Variants in SLC27A2 observed in about 807,000 individuals in gnomAD.
SLC27A2 encodes the protein solute carrier family 27 member 2, also known as long-chain fatty acid transport protein 2.
SLC27A2 carries 54 observed loss-of-function variants against 60.0 expected under a neutral mutation model. The observed-to-expected ratio is 0.90, with a 90% CI of 0.72 to 1.13. The LOEUF (loss-of-function observed/expected upper bound fraction) is 1.13. Ranked by LOEUF, SLC27A2 falls within the 50% of genes most tolerant of loss-of-function variation. The pLI, the probability that SLC27A2 is intolerant of heterozygous loss-of-function variation, is 0.00. For missense variants in SLC27A2, 739 were observed against 777.6 expected (o/e 0.95, Z 0.59); for synonymous variants, 297 against 297.6 (o/e 1.00, Z 0.02).
intron 4 of SLC27A2, among the ~76,000 whole-genome samples, chr15:50,220,992 C>T (rs1298174978): frequency 1.3e-5 from 2 of 151,954 alleles, no homozygotes; most frequent in East Asian, 3.9e-4. Flanking sequence ...AGCTTGAGGC[C>T]AGGAGTTCAA....
intron 8 of SLC27A2, 67 bp downstream of exon 8, chr15:50,229,109 A>C: frequency 9.5e-7 from 1 of 1,054,104 alleles, no homozygotes; most frequent in Admixed American, 1.9e-5. Flanking sequence ...CCTCAAGGCG[A>C]AGTTTGTCAT....
At position 50,205,499 on chromosome 15, in the gene SLC27A2, T is replaced by C. The variant is rs980537581; in HGVS notation, c.972+136T>C. ...GGATACAATTATCATGATAAAGTACTTGGCACTATACCTACCATATAGAGG... is the reference window on the plus strand; with the variant it reads ...GGATACAATTATCATGATAAAGTACCTGGCACTATACCTACCATATAGAGG... On this transcript the variant is annotated intron_variant, in intron 4 of 9. Transcript: ENST00000267842. 1.3e-5 allele frequency: 11 copies of C among 818,228 alleles called. No homozygotes were observed. The African/African-American group carries it at 1.9e-4, about 14-fold the overall frequency. The allele number at this position is 818,228 out of a possible 1,614,324, so 50.7% of individuals were successfully genotyped here.
At position 50,202,509 on chromosome 15, in the gene SLC27A2, C is replaced by T. The variant is rs1244123531; in HGVS notation, c.711C>T (p.Ile237=). ...AAGGTCTTCCAAAAGCAGCCATGAT[C>T]ACTCATCAGCGCATATGGTATGGAA... is the stretch of plus-strand genomic sequence containing the variant. ...GTTGLPKAAM[I]THQRIWYGTG... Residue 237 remains isoleucine (I), a synonymous_variant, in exon 3 of 10, where the codon ATC becomes ATT. Transcript: ENST00000267842. 3 of 1,614,040 alleles carry T rather than the reference C, an allele frequency of 1.9e-6. No homozygotes were observed. Among genetic ancestry groups the T allele is most frequent in the Non-Finnish European group, 2.5e-6 (3 of 1,180,022 alleles).
At chr15:50,182,978 A>G in intron 1 of SLC27A2, 73 bp downstream of exon 1, 46 of 1,466,404 alleles carry the variant, frequency 3.1e-5, no homozygotes, top group Non-Finnish European at 4.2e-5. Flanking sequence ...ACAGCGTGGC[A>G]TAAGGGGTTC....
In SLC27A2 at chr15:50,223,171, GA is replaced by G; in HGVS notation, c.1167+17del. On this transcript the variant is annotated intron_variant, in intron 5 of 9. Coordinates refer to ENST00000267842, the MANE Select transcript of SLC27A2 (RefSeq NM_003645.4). ...ACTACCTACAGAAAGTAAGTACATT[GA>G]AAAATGAGAGCATACGTAGCCAGTT... 6.3e-7 allele frequency: 1 copy of G among 1,592,282 alleles called. No individual in the cohort carries two copies. Among genetic ancestry groups the G allele is most frequent in the African/African-American group, 1.3e-5 (1 of 74,248 alleles).
At chr15:50,232,032 C>G (rs1237763765) in intron 8 of SLC27A2, among the ~76,000 whole-genome samples, 1 of 152,244 alleles carries the variant, frequency 6.6e-6, no homozygotes, top group Non-Finnish European at 1.5e-5. Flanking sequence ...TCCCTCCCAA[C>G]TTTCAGATTC....
chr15:50,187,531 A>T (rs984918694), intron 1 of SLC27A2, among the ~76,000 whole-genome samples: 1 of 152,180 alleles, frequency 6.6e-6, no homozygotes, highest in South Asian at 2.1e-4. Flanking sequence ...TAGATAACCC[A>T]GGTCTCCTGA....
intron 8 of SLC27A2, among the ~76,000 whole-genome samples, chr15:50,230,270 C>T (rs1343954061): frequency 7.0e-6 from 1 of 142,582 alleles, no homozygotes; most frequent in African/African-American, 2.6e-5. Context: ...AGTCCGGACA[C>T]TGTGGCTCAC....
chr15:50,227,782 C>A (rs1039022643), intron 7 of SLC27A2, among the ~76,000 whole-genome samples: 1 of 152,174 alleles, frequency 6.6e-6, no homozygotes, highest in African/African-American at 2.4e-5. Context: ...TGCCTGTTCA[C>A]CCCCAGCACC....
intron 1 of SLC27A2, among the ~76,000 whole-genome samples, chr15:50,197,104 A>G (rs1363950311): frequency 6.6e-6 from 1 of 152,182 alleles, no homozygotes; most frequent in Non-Finnish European, 1.5e-5. Flanking sequence ...GATTTCAGCC[A>G]ACCATCTGCT....
intron 4 of SLC27A2, among the ~76,000 whole-genome samples, chr15:50,208,504 A>G (rs1021388239): frequency 1.3e-5 from 2 of 152,262 alleles, no homozygotes; most frequent in African/African-American, 4.8e-5. Flanking sequence ...GATGATATAT[A>G]TAAACCACAT....
At chr15:50,228,875 C>T in intron 7 of SLC27A2, 70 bp from the exon 8 acceptor site, 1 of 1,019,446 alleles carries the variant, frequency 9.8e-7, no homozygotes, top group South Asian at 1.3e-5. Flanking sequence ...AAGGAAACAC[C>T]AGCTCTCCGA....
intron 1 of SLC27A2, among the ~76,000 whole-genome samples, chr15:50,186,660 A>G (rs1185379574): frequency 6.6e-6 from 1 of 152,132 alleles, no homozygotes; most frequent in Non-Finnish European, 1.5e-5. Flanking sequence ...GATGATCTCC[A>G]TCTCTTGACC....
rs1334954977 is a variant in SLC27A2 at position 50,196,072 on chromosome 15, AAAAAAATATATATATATATATATAT to A, written c.479-1426_479-1402del. Reference sequence around the variant, plus strand: ...CTGTCTCAAAAAAAAAAAAAAAAAAAAAAAAATATATATATATATATATATATATATATATATATATATATATATA... The same window carrying A: ...CTGTCTCAAAAAAAAAAAAAAAAAAAATATATATATATATATATATATATA... On this transcript the variant is annotated intron_variant, in intron 1 of 9. Coordinates refer to ENST00000267842, the MANE Select transcript of SLC27A2 (RefSeq NM_003645.4). Among the ~76,000 whole-genome samples, 53 of 18,114 alleles carry A rather than the reference AAAAAAATATATATATATATATATAT, an allele frequency of 2.9e-3. 6 individuals are homozygous for A. Among genetic ancestry groups the A allele is most frequent in the African/African-American group, 9.3e-3 (48 of 5,138 alleles). The allele number at this position is 18,114 out of a possible 152,430, so 11.9% of individuals were successfully genotyped here. A position where few individuals can be genotyped will look rare whatever the true frequency, so the allele number is the denominator to read the frequency against.
At chr15:50,193,034 T>A (rs1190057721) in intron 1 of SLC27A2, among the ~76,000 whole-genome samples, 1 of 152,140 alleles carries the variant, frequency 6.6e-6, no homozygotes, top group East Asian at 1.9e-4. Flanking sequence ...TCTCCCAACC[T>A]TATTCCCCTC....
chr15:50,197,689 T>C lies in SLC27A2; in HGVS notation c.668T>C (p.Ile223Thr), dbSNP rs753182635. Residue 223 changes from isoleucine (I) to threonine (T), a missense_variant, in exon 2 of 10, where the codon ATT becomes ACT. By Grantham distance (89) the Ile-to-Thr change is moderately conservative. Transcript: ENST00000267842. ...EVTFSTPALYIYTSGTTGLPK... is the reference protein window; with the variant it reads ...EVTFSTPALYTYTSGTTGLPK... ...ACTTTTTCCACTCCTGCCTTATACA[T>C]TTATACTTCTGGAACCACAGGTAAA... 3 of 1,613,104 alleles carry C rather than the reference T, an allele frequency of 1.9e-6. No individual in the cohort carries two copies. The highest frequency in any genetic ancestry group is 2.5e-6 in the Non-Finnish European group (3 of 1,179,128).
At chr15:50,212,133 C>T (rs1420905637) in intron 4 of SLC27A2, among the ~76,000 whole-genome samples, 2 of 148,210 alleles carry the variant, frequency 1.3e-5, no homozygotes. Context: ...ACTTTGGACA[C>T]ACTTTTAGAA....
At chr15:50,197,168 ATT>A (rs34593760) in intron 1 of SLC27A2, among the ~76,000 whole-genome samples, 7,866 of 151,356 alleles carry the variant, frequency 0.052, 365 homozygotes, top group African/African-American at 0.13. Context: ...GAATCCTGTG[ATT>A]TTTTTTTTCA....
intron 4 of SLC27A2, among the ~76,000 whole-genome samples, chr15:50,212,314 A>G (rs1319367858): frequency 6.6e-6 from 1 of 152,206 alleles, no homozygotes; most frequent in Non-Finnish European, 1.5e-5. Context: ...GACCAAACCT[A>G]AGAATACTTG....
Sources: allele counts gnomAD v4.1 joint callset (sites outside exome capture counted in the v4.1 genomes callset), GRCh38; gene constraint gnomAD v4.1.1; transcripts MANE v1.5; gene names NCBI Gene and HGNC (gene_info 2026-07-23, HGNC 2026-07-21).